MFSD8: variants seen among roughly 807,000 people sequenced by gnomAD.
The protein encoded by MFSD8 is major facilitator superfamily domain containing 8.
In MFSD8, 55 loss-of-function variants were observed where a neutral mutation model predicts 66.4. The observed-to-expected ratio is 0.83, with a 90% CI of 0.67 to 1.04. MFSD8 has a LOEUF of 1.04. Ranked by LOEUF, MFSD8 falls within the 50% of genes least tolerant of loss-of-function variation. The pLI, the probability that MFSD8 is intolerant of heterozygous loss-of-function variation, is 0.00. For missense variants in MFSD8, 550 were observed against 627.6 expected (o/e 0.88, Z 1.32); for synonymous variants, 202 against 212.8 (o/e 0.95, Z 0.44).
At chr4:127,958,782 A>AAT (rs1307751088) in intron 1 of MFSD8, among the ~76,000 whole-genome samples, 1 of 152,190 alleles carries the variant, frequency 6.6e-6, no homozygotes, top group Non-Finnish European at 1.5e-5. Flanking sequence ...CTAAAAAAAT[A>AAT]ATAAAATTGT....
At chr4:127,964,603 C>T (rs1443238763) in intron 1 of MFSD8, 2 of 181,560 alleles carry the variant, frequency 1.1e-5, no homozygotes. Context: ...AGCCCCGGTT[C>T]CCGCTCACGC....
At chr4:127,936,837 A>G (rs1329110195) in intron 7 of MFSD8, among the ~76,000 whole-genome samples, 1 of 152,264 alleles carries the variant, frequency 6.6e-6, no homozygotes, top group East Asian at 1.9e-4. Context: ...TAAGCACATT[A>G]AAGTAAATGA....
At chr4:127,922,422 A>C (rs889862508) in intron 9 of MFSD8, among the ~76,000 whole-genome samples, 1 of 152,130 alleles carries the variant, frequency 6.6e-6, no homozygotes, top group African/African-American at 2.4e-5. Flanking sequence ...CCAGAAGTTC[A>C]AAACCAGCCT....
chr4:127,963,665 T>C (rs1275565407), intron 1 of MFSD8, among the ~76,000 whole-genome samples: 1 of 152,100 alleles, frequency 6.6e-6, no homozygotes, highest in Non-Finnish European at 1.5e-5. Context: ...ACTGCAGACC[T>C]TCGCGGTGAG....
chr4:127,948,234 C>A (rs898731929), intron 3 of MFSD8, among the ~76,000 whole-genome samples: 1 of 152,100 alleles, frequency 6.6e-6, no homozygotes, highest in Non-Finnish European at 1.5e-5. Flanking sequence ...GATGGTCAGG[C>A]GGTTGTTAAC....
chr4:127,953,802 T>A (rs2148959476), intron 2 of MFSD8, among the ~76,000 whole-genome samples: 2 of 152,194 alleles, frequency 1.3e-5, no homozygotes, highest in Middle Eastern at 6.8e-3. Flanking sequence ...TCATTCTAAC[T>A]GATACACAAT....
chr4:127,959,379 G>T (rs1447140868), intron 1 of MFSD8, among the ~76,000 whole-genome samples: 1 of 152,132 alleles, frequency 6.6e-6, no homozygotes, highest in Non-Finnish European at 1.5e-5. Context: ...CCTGCATATG[G>T]CTCCTGGTTT....
At chr4:127,965,317 A>G (rs1744913010), upstream of MFSD8, 3 of 711,230 alleles carry the variant, frequency 4.2e-6, no homozygotes, top group Non-Finnish European at 7.3e-6. Context: ...GCGCAGGGCG[A>G]AAGGAGGCTG....
At chr4:127,925,318 G>C (rs1737010810) in intron 9 of MFSD8, among the ~76,000 whole-genome samples, 1 of 151,968 alleles carries the variant, frequency 6.6e-6, no homozygotes, top group Admixed American at 6.6e-5. Flanking sequence ...CTACAGAATG[G>C]GAGAAAATTT....
chr4:127,954,547 G>A (rs1020390040), intron 2 of MFSD8, among the ~76,000 whole-genome samples: 16 of 152,138 alleles, frequency 1.1e-4, no homozygotes, highest in African/African-American at 2.9e-4. Context: ...ACCCGAAAGC[G>A]GGAGGTTGCA....
At chr4:127,932,673 GC>G (rs1210626346) in intron 8 of MFSD8, 3 of 250,680 alleles carry the variant, frequency 1.2e-5, no homozygotes, top group African/African-American at 2.3e-5. Context: ...AAATTATAGA[GC>G]TTAAGGATAA....
intron 3 of MFSD8, among the ~76,000 whole-genome samples, chr4:127,949,222 A>AT (rs1470539968): frequency 2.0e-5 from 3 of 152,172 alleles, no homozygotes; most frequent in Non-Finnish European, 2.9e-5. Flanking sequence ...TTATATACTG[A>AT]TTTTTAGTTA....
chr4:127,963,705 CAA>C (rs2148996462), intron 1 of MFSD8, among the ~76,000 whole-genome samples: 1 of 152,280 alleles, frequency 6.6e-6, no homozygotes, highest in South Asian at 2.1e-4. Flanking sequence ...CGTATGGTCC[CAA>C]AGAGTGAGCA....
upstream of MFSD8, chr4:127,965,218 C>A (rs1744874235): frequency 1.8e-5 from 28 of 1,556,822 alleles, no homozygotes; most frequent in South Asian, 3.1e-4. Context: ...GCTGGCAAAA[C>A]AAGCCTGTAA....
rs534206104 is a variant in MFSD8 at position 127,920,138 on chromosome 4, T to A, written c.*492A>T. The A allele has an allele frequency of 4.1e-4, 65 of 159,782 alleles. No homozygotes were observed. The South Asian group carries it at 0.011, about 28-fold the overall frequency. 9.9% of individuals were successfully genotyped at this position (159,782 alleles called of 1,614,324 possible). A position where few individuals can be genotyped will look rare whatever the true frequency, so the allele number is the denominator to read the frequency against. On this transcript the variant is annotated 3_prime_UTR_variant, in exon 12 of 12. Transcript: ENST00000641686. ...TGTGTTATAATTTTTATTTCATAAG[T>A]GAACTTGATAATAGAAAATGCATTT... is the stretch of plus-strand genomic sequence containing the variant.
chr4:127,920,592 C>T lies in MFSD8; in HGVS notation c.*38G>A, dbSNP rs766600653. On this transcript the variant is annotated 3_prime_UTR_variant, in exon 12 of 12. Transcript: ENST00000641686. ...TAGCAGAGCTTTAGACCAGGAAGTG[C>T]CACACAGCAAGTAGTTTCCATCACA... 2 of 1,603,658 alleles carry T rather than the reference C, an allele frequency of 1.2e-6. No individual in the cohort carries two copies. Among genetic ancestry groups the T allele is most frequent in the South Asian group, 2.2e-5 (2 of 90,840 alleles).
chr4:127,945,120 T>A (rs1479776946), intron 3 of MFSD8, among the ~76,000 whole-genome samples: 2 of 151,888 alleles, frequency 1.3e-5, no homozygotes, highest in African/African-American at 4.8e-5. Context: ...TAACACACTA[T>A]GACTGTACCT....
chr4:127,948,570 T>C (rs542675867), intron 3 of MFSD8, among the ~76,000 whole-genome samples: 1 of 152,236 alleles, frequency 6.6e-6, no homozygotes, highest in Non-Finnish European at 1.5e-5. Flanking sequence ...TTCTGCATTA[T>C]GTCCTTTACT....
intron 2 of MFSD8, among the ~76,000 whole-genome samples, chr4:127,954,898 C>A (rs1578971513): frequency 6.6e-6 from 1 of 152,220 alleles, no homozygotes; most frequent in Middle Eastern, 3.4e-3. Context: ...TTCAACATCA[C>A]TAATCATTAA....
Sources: allele counts gnomAD v4.1 joint callset (sites outside exome capture counted in the v4.1 genomes callset), GRCh38; gene constraint gnomAD v4.1.1; transcripts MANE v1.5; gene names NCBI Gene and HGNC (gene_info 2026-07-23, HGNC 2026-07-21).